Variants in COX16 observed in about 807,000 individuals in gnomAD.
COX16 encodes the protein cytochrome c oxidase assembly factor COX16.
Under a neutral mutation model 15.4 loss-of-function variants are expected in COX16, and 12 were observed. The ratio of observed to expected loss-of-function variants is 0.78; its 90% CI spans 0.50 to 1.26. The LOEUF is 1.26. Ranked by LOEUF, COX16 falls within the 50% of genes most tolerant of loss-of-function variation. The probability of loss-of-function intolerance (pLI) is 0.00; values close to 1 mark genes in which losing one functional copy is unlikely to be tolerated. For missense variants in COX16, 124 were observed against 127.6 expected (o/e 0.97, Z 0.14); for synonymous variants, 46 against 41.1 (o/e 1.12, Z -0.46).
intron 2 of COX16, among the ~76,000 whole-genome samples, chr14:70,336,479 T>C (rs1886459539): frequency 6.6e-6 from 1 of 152,174 alleles, no homozygotes; most frequent in African/African-American, 2.4e-5. Flanking sequence ...ACTCCTTGGT[T>C]TCTGTATTGT....
At chr14:70,327,915 G>C (rs77876827) in intron 3 of COX16, among the ~76,000 whole-genome samples, 1 of 151,930 alleles carries the variant, frequency 6.6e-6, no homozygotes, top group African/African-American at 2.4e-5. Flanking sequence ...GTGGAACAGC[G>C]TCAAGAAATG....
chr14:70,352,640 TTTTTC>T lies in COX16; in HGVS notation c.69+6874_69+6878del, dbSNP rs376369349. 4.1e-3 allele frequency among the ~76,000 whole-genome samples: 319 copies of T among 77,524 alleles called. 4 individuals are homozygous for T. The highest frequency in any genetic ancestry group is 7.7e-3 in the Non-Finnish European group (230 of 29,716). 50.9% of individuals were successfully genotyped at this position (77,524 alleles called of 152,430 possible). ...TTTCTAACACAAATATATTTCTTTT[TTTTTC>T]TTTTTTTTTTTTTTTTTTGAGACAG... On this transcript the variant is annotated intron_variant, in intron 1 of 3. Coordinates refer to ENST00000389912, the MANE Select transcript of COX16 (RefSeq NM_016468.7).
intron 1 of COX16, among the ~76,000 whole-genome samples, chr14:70,354,970 G>C (rs1887084098): frequency 6.6e-6 from 1 of 152,002 alleles, no homozygotes; most frequent in South Asian, 2.1e-4. Flanking sequence ...GAAGGACACT[G>C]ATTCATCAAT....
chr14:70,351,157 T>A (rs963559731), intron 1 of COX16, among the ~76,000 whole-genome samples: 6 of 152,240 alleles, frequency 3.9e-5, no homozygotes, highest in Non-Finnish European at 7.3e-5. Flanking sequence ...AATTTCTATC[T>A]TATTTATGTC....
intron 1 of COX16, 136 bp from the exon 2 acceptor site, chr14:70,342,865 C>T: frequency 1.2e-6 from 1 of 867,180 alleles, no homozygotes. Context: ...CCTGGTGAGT[C>T]ACCATTCATC....
chr14:70,327,805 T>C (rs1414838530), intron 3 of COX16, among the ~76,000 whole-genome samples: 2 of 152,184 alleles, frequency 1.3e-5, no homozygotes, highest in Non-Finnish European at 2.9e-5. Flanking sequence ...TGTAGAATTC[T>C]ACAAAACGTG....
At chr14:70,339,494 T>C (rs1009222436) in intron 2 of COX16, among the ~76,000 whole-genome samples, 4 of 152,128 alleles carry the variant, frequency 2.6e-5, no homozygotes, top group African/African-American at 7.2e-5. Context: ...ATATTGTGCT[T>C]TCTACATCCT....
chr14:70,343,452 C>A (rs1442005313), intron 1 of COX16, among the ~76,000 whole-genome samples: 4 of 152,186 alleles, frequency 2.6e-5, no homozygotes, highest in African/African-American at 7.2e-5. Flanking sequence ...GTAAACCCAG[C>A]AGTAAAACTT....
At chr14:70,334,507 A>C (rs912556615) in intron 2 of COX16, among the ~76,000 whole-genome samples, 1 of 152,170 alleles carries the variant, frequency 6.6e-6, no homozygotes, top group African/African-American at 2.4e-5. Context: ...ATAAAGCAAG[A>C]CTCCATCTCA....
intron 1 of COX16, among the ~76,000 whole-genome samples, chr14:70,345,928 C>G (rs1227315882): frequency 6.6e-6 from 1 of 151,908 alleles, no homozygotes; most frequent in Non-Finnish European, 1.5e-5. Flanking sequence ...TCTCAGCTGC[C>G]ATCTTCCCAG....
At position 70,359,664 on chromosome 14, in the gene COX16, A is replaced by C; in HGVS notation, c.-77T>G. The C allele has an allele frequency of 3.8e-6, 5 of 1,314,176 alleles. No homozygotes were observed. Among genetic ancestry groups the C allele is most frequent in the Non-Finnish European group, 5.5e-6 (5 of 911,054 alleles). The allele number at this position is 1,314,176 out of a possible 1,614,324, so 81.4% of individuals were successfully genotyped here. On this transcript the variant is annotated 5_prime_UTR_variant, in exon 1 of 4. Transcript: ENST00000389912. ...CCAAATCTCAGCAGCTCACGCTCTC[A>C]CCAAGACGAGTACGTCCTTAACTCA...
chr14:70,340,112 C>A (rs143780835), intron 2 of COX16, among the ~76,000 whole-genome samples: 233 of 152,294 alleles, frequency 1.5e-3, no homozygotes, highest in African/African-American at 4.9e-3. Context: ...TCCCATGTGT[C>A]ATGGGAGGGA....
At position 70,342,700 on chromosome 14, in the gene COX16, A is replaced by G. The variant is rs780971991; in HGVS notation, c.99T>C (p.Leu33=). 6.2e-7 allele frequency: 1 copy of G among 1,613,242 alleles called. No individual in the cohort carries two copies. ...CATATCGGATTTGAGAAAACTCACGAAGACCAAAAGAACCTCCAACAATCA... is the reference window on the plus strand; with the variant it reads ...CATATCGGATTTGAGAAAACTCACGGAGACCAAAAGAACCTCCAACAATCA... ...LLLIVGGSFG[L]REFSQIRYDA... The change falls in exon 2 of 4, where the codon CTT becomes CTC. Residue 33 remains leucine (L), a synonymous_variant. Coordinates refer to ENST00000389912, the MANE Select transcript of COX16 (RefSeq NM_016468.7).
At chr14:70,350,472 A>T (rs933410019) in intron 1 of COX16, among the ~76,000 whole-genome samples, 18 of 152,140 alleles carry the variant, frequency 1.2e-4, no homozygotes, top group African/African-American at 4.4e-4. Context: ...TCAAACCAAT[A>T]CAAGAACCTT....
chr14:70,352,245 G>A (rs1448531247), intron 1 of COX16, among the ~76,000 whole-genome samples: 1 of 152,168 alleles, frequency 6.6e-6, no homozygotes, highest in African/African-American at 2.4e-5. Context: ...AGAGTGCAGA[G>A]GAGCGATCTC....
chr14:70,356,720 C>A (rs531597122), intron 1 of COX16, among the ~76,000 whole-genome samples: 1 of 151,586 alleles, frequency 6.6e-6, no homozygotes, highest in South Asian at 2.1e-4. Context: ...AGGGTGATAT[C>A]AGTGACATGG....
At chr14:70,357,396 T>C (rs963496505) in intron 1 of COX16, among the ~76,000 whole-genome samples, 1 of 152,132 alleles carries the variant, frequency 6.6e-6, no homozygotes, top group Non-Finnish European at 1.5e-5. Context: ...TATGACTAAT[T>C]TGAAGCTCTG....
chr14:70,354,831 T>TGTGTGTGC (rs1192636482), intron 1 of COX16, among the ~76,000 whole-genome samples: 1,156 of 96,354 alleles, frequency 0.012, 8 homozygotes, highest in African/African-American at 0.046. Context: ...ATGCATAGAG[T>TGTGTGTGC]GTGTGTGTGC....
At chr14:70,339,475 C>T (rs556488898) in intron 2 of COX16, among the ~76,000 whole-genome samples, 1 of 147,744 alleles carries the variant, frequency 6.8e-6, no homozygotes, top group Non-Finnish European at 1.5e-5. Context: ...GGTTGGTCAC[C>T]CCAAATCCAT....
Sources: gnomAD v4.1 joint callset for allele counts (sites outside exome capture counted in the v4.1 genomes callset) on GRCh38, gnomAD v4.1.1 for gene constraint, MANE v1.5 for transcripts, NCBI Gene and HGNC (gene_info 2026-07-23, HGNC 2026-07-21) for gene names.